ATP10B: variants seen among roughly 807,000 people sequenced by gnomAD.
ATP10B encodes the protein ATPase phospholipid transporting 10B (putative).
Under a neutral mutation model 141.2 loss-of-function variants are expected in ATP10B, and 122 were observed. That is an observed-to-expected ratio of 0.86 (90% confidence interval 0.75 to 1.00). ATP10B has a LOEUF of 1.00. Among genes scored for constraint, ATP10B ranks in the 50% least tolerant of loss-of-function variants. The pLI is 0.00. For synonymous variants in ATP10B, 685 were observed against 692.0 expected (o/e 0.99, Z 0.16); for missense variants, 1,876 against 1,825.3 (o/e 1.03, Z -0.51).
At chr5:160,818,748 C>A (rs1327394014) in intron 1 of ATP10B, among the ~76,000 whole-genome samples, 1 of 152,104 alleles carries the variant, frequency 6.6e-6, no homozygotes, top group Non-Finnish European at 1.5e-5. Flanking sequence ...TGGAACCAAC[C>A]CAAATGCCCA....
At chr5:160,872,120 G>T in the ATP10B span, among the ~76,000 whole-genome samples, 18 of 152,014 alleles carry the variant, frequency 1.2e-4, no homozygotes, top group African/African-American at 3.9e-4. Flanking sequence ...TTGTGATTTT[G>T]GTTTGCACTT....
intron 1 of ATP10B, among the ~76,000 whole-genome samples, chr5:160,830,940 ATC>A (rs140435010): frequency 1.4e-3 from 196 of 139,432 alleles, no homozygotes; most frequent in Middle Eastern, 7.3e-3. Flanking sequence ...CCTCTTCTCA[ATC>A]TCTCTCTCTC....
chr5:160,888,278 C>CA, the ATP10B span, among the ~76,000 whole-genome samples: 1 of 152,060 alleles, frequency 6.6e-6, no homozygotes, highest in African/African-American at 2.4e-5. Context: ...AAAAGAGTAT[C>CA]AGCACCTCTG....
At chr5:160,644,345 TCTC>T (rs1252456036) in intron 8 of ATP10B, 101 bp from the exon 9 acceptor site, 1 of 782,282 alleles carries the variant, frequency 1.3e-6, no homozygotes, top group Non-Finnish European at 2.3e-6. Context: ...ACATGATCCC[TCTC>T]CTCCCTGTTT....
At chr5:160,746,963 T>C (rs757874164) in intron 2 of ATP10B, among the ~76,000 whole-genome samples, 48 of 152,192 alleles carry the variant, frequency 3.2e-4, no homozygotes, top group Non-Finnish European at 5.0e-4. Flanking sequence ...CTGCCTTATT[T>C]GCAGATGGTC....
chr5:160,608,371 A>G (rs1757519370), intron 18 of ATP10B, among the ~76,000 whole-genome samples: 1 of 152,308 alleles, frequency 6.6e-6, no homozygotes, highest in South Asian at 2.1e-4. Flanking sequence ...GCTATTGTGA[A>G]TAGTGCCGCA....
intron 2 of ATP10B, among the ~76,000 whole-genome samples, chr5:160,769,605 C>T (rs1265925973): frequency 2.0e-5 from 3 of 151,528 alleles, no homozygotes; most frequent in Non-Finnish European, 2.9e-5. Context: ...TGTGGTGCTT[C>T]TTGGGACAGA....
At chr5:160,615,248 C>A (rs142597197) in intron 17 of ATP10B, among the ~76,000 whole-genome samples, 11 of 152,034 alleles carry the variant, frequency 7.2e-5, no homozygotes, top group Non-Finnish European at 1.6e-4. Context: ...CCCCCCAGCC[C>A]GGGACCTCCA....
intron 19 of ATP10B, 25 bp from the exon 20 acceptor site, chr5:160,604,066 T>G (rs1435951418): frequency 6.2e-7 from 1 of 1,603,884 alleles, no homozygotes. Context: ...ATAACGTGTC[T>G]TTATTTTTGG....
chr5:160,620,277 T>G, intron 15 of ATP10B, 70 bp downstream of exon 15: 1 of 1,520,592 alleles, frequency 6.6e-7, no homozygotes, highest in Non-Finnish European at 8.8e-7. Flanking sequence ...GAGCTTCTTA[T>G]TACCATTCCA....
chr5:160,773,976 A>G (rs1581505484), intron 2 of ATP10B, among the ~76,000 whole-genome samples: 1 of 152,066 alleles, frequency 6.6e-6, no homozygotes, highest in South Asian at 2.1e-4. Flanking sequence ...GACTCAGGGG[A>G]GCTTTTGCGG....
chr5:160,775,126 G>A (rs1184115086), intron 2 of ATP10B, among the ~76,000 whole-genome samples: 1 of 152,200 alleles, frequency 6.6e-6, no homozygotes, highest in African/African-American at 2.4e-5. Flanking sequence ...GAAGTCACTA[G>A]CCGTGGCCGT....
chr5:160,766,543 G>A (rs1294960450), intron 2 of ATP10B, among the ~76,000 whole-genome samples: 5 of 152,166 alleles, frequency 3.3e-5, no homozygotes, highest in African/African-American at 1.2e-4. Flanking sequence ...ACTAAGCTAT[G>A]AGGATGCAAA....
chr5:160,883,941 C>A, the ATP10B span, among the ~76,000 whole-genome samples: 1 of 152,106 alleles, frequency 6.6e-6, no homozygotes, highest in East Asian at 1.9e-4. Context: ...TCCCTTAAGA[C>A]TCTATCAGGA....
chr5:160,687,621 C>T (rs1325783630), intron 5 of ATP10B, among the ~76,000 whole-genome samples, 179 bp downstream of exon 5: 4 of 151,986 alleles, frequency 2.6e-5, no homozygotes, highest in Non-Finnish European at 4.4e-5. Context: ...AAAAATTTGC[C>T]GGGCATGGTG....
In ATP10B at chr5:160,634,559, G is replaced by A. The variant is rs200231138; in HGVS notation, c.1176C>T (p.Leu392=). ...CATTGCTCAAGAAGAACACTTGCCC[G>A]AGCTTCACCAGCTCAATGGAGACAT... ...SLYVSIELVK[L]GQVFFLSNDL... Residue 392 remains leucine, a synonymous_variant, in exon 12 of 26, where the codon CTC becomes CTT. Coordinates refer to ENST00000327245, the MANE Select transcript of ATP10B (RefSeq NM_025153.3). 2.6e-5 allele frequency: 42 copies of A among 1,614,014 alleles called. No individual in the cohort carries two copies. Among genetic ancestry groups the A allele is most frequent in the East Asian group, 1.8e-4 (8 of 44,884 alleles).
At position 160,620,040 on chromosome 5, in the gene ATP10B, A is replaced by G. The variant is rs200331818; in HGVS notation, c.2416+307T>C. ...GTAAGATAATGGATGTTCTAGTGCA[A>G]AAGACTGTGTGGATAATCCATGTTT... On this transcript the variant is annotated intron_variant, in intron 15 of 25. Transcript: ENST00000327245. Among the ~76,000 whole-genome samples, 3 of 152,340 alleles carry G rather than the reference A, an allele frequency of 2.0e-5. No individual in the cohort carries two copies. In the East Asian group the frequency reaches 5.8e-4, roughly 29 times the overall value.
intron 4 of ATP10B, 47 bp from the exon 5 acceptor site, chr5:160,688,141 A>G: frequency 6.5e-7 from 1 of 1,549,598 alleles, no homozygotes; most frequent in South Asian, 1.2e-5. Flanking sequence ...AACGTGCAGC[A>G]TGTTGGCCTG....
chr5:160,610,846 T>C (rs1399621118), intron 18 of ATP10B, among the ~76,000 whole-genome samples: 1 of 152,214 alleles, frequency 6.6e-6, no homozygotes, highest in African/African-American at 2.4e-5. Flanking sequence ...CAGTGATTAG[T>C]TAGTAATTCT....
Sources: allele counts gnomAD v4.1 joint callset (sites outside exome capture counted in the v4.1 genomes callset), GRCh38; gene constraint gnomAD v4.1.1; transcripts MANE v1.5; gene names NCBI Gene and HGNC (gene_info 2026-07-23, HGNC 2026-07-21).